Variants in EFCAB6 observed in about 807,000 individuals in gnomAD.
The protein encoded by EFCAB6 is EF-hand calcium binding domain 6.
In EFCAB6, 156 loss-of-function variants were observed where a neutral mutation model predicts 169.8. The observed-to-expected ratio is 0.92, with a 90% confidence interval of 0.81 to 1.05. The LOEUF (loss-of-function observed/expected upper bound fraction) is 1.05, where lower values mean the gene tolerates loss of function less well. EFCAB6 is among the 50% of genes least tolerant of loss of function. EFCAB6 has a pLI of 0.00. For missense variants in EFCAB6, 1,800 were observed against 1,829.1 expected (o/e 0.98, Z 0.29); for synonymous variants, 698 against 676.4 (o/e 1.03, Z -0.50).
intron 3 of EFCAB6, among the ~76,000 whole-genome samples, chr22:43,776,030 A>G (rs1051652576): frequency 1.3e-5 from 2 of 152,260 alleles, no homozygotes; most frequent in South Asian, 2.1e-4. Flanking sequence ...TCGAGCCACA[A>G]TGTTTAGGGC....
intron 26 of EFCAB6, among the ~76,000 whole-genome samples, chr22:43,566,416 A>G (rs1448415639): frequency 1.3e-5 from 2 of 152,216 alleles, no homozygotes; most frequent in African/African-American, 2.4e-5. Context: ...GAATTCAACC[A>G]GTGCTTACTG....
chr22:43,556,485 T>C (rs1480458799), intron 26 of EFCAB6, among the ~76,000 whole-genome samples: 2 of 152,116 alleles, frequency 1.3e-5, no homozygotes, highest in Non-Finnish European at 2.9e-5. Flanking sequence ...AAGCCCACCA[T>C]GGCTGTGAGC....
intron 20 of EFCAB6, among the ~76,000 whole-genome samples, chr22:43,623,739 CAAAAAAAAAAAAAA>C (rs137720): frequency 2.1e-5 from 2 of 95,268 alleles, no homozygotes; most frequent in Non-Finnish European, 4.1e-5. Flanking sequence ...ACTAAAAATA[CAAAAAAAAAAAAAA>C]AAAAAATTAG....
chr22:43,709,987 A>T (rs1446463010), intron 10 of EFCAB6, among the ~76,000 whole-genome samples: 1 of 152,144 alleles, frequency 6.6e-6, no homozygotes, highest in Non-Finnish European at 1.5e-5. Context: ...CACATTTTCC[A>T]TCCCCTTCTC....
At chr22:43,589,280 C>CAAAAAAAAAAAAAAAAA (rs1163346832) in intron 24 of EFCAB6, among the ~76,000 whole-genome samples, 2 of 80,934 alleles carry the variant, frequency 2.5e-5, no homozygotes, top group South Asian at 3.9e-4. Flanking sequence ...GACTTCATGT[C>CAAAAAAAAAAAAAAAAA]AAAAAAAAAA....
At chr22:43,575,916 A>T (rs1245107036) in intron 26 of EFCAB6, among the ~76,000 whole-genome samples, 1 of 152,164 alleles carries the variant, frequency 6.6e-6, no homozygotes, top group Admixed American at 6.5e-5. Flanking sequence ...TACATAGAAG[A>T]CATGCTATAG....
chr22:43,716,829 G>T lies in EFCAB6; in HGVS notation c.882+19C>A. On this transcript the variant is annotated intron_variant, in intron 9 of 31. Transcript: ENST00000262726. ...TGTGTTTACTCTGTAGGTAATTGTG[G>T]CTTAGGAAAACATCTTACTTGTAGA... 6.3e-7 allele frequency: 1 copy of T among 1,594,250 alleles called. No individual in the cohort carries two copies. Among genetic ancestry groups the T allele is most frequent in the African/African-American group, 1.3e-5 (1 of 74,258 alleles).
At chr22:43,595,166 TA>T (rs201300475) in intron 23 of EFCAB6, among the ~76,000 whole-genome samples, 66 of 145,252 alleles carry the variant, frequency 4.5e-4, no homozygotes, top group South Asian at 6.6e-4. Context: ...ATGCCTACAT[TA>T]AAAAAAAAAG....
At chr22:43,659,866 G>T (rs952551985) in intron 17 of EFCAB6, among the ~76,000 whole-genome samples, 1 of 152,120 alleles carries the variant, frequency 6.6e-6, no homozygotes, top group Admixed American at 6.5e-5. Context: ...AGCACATCTC[G>T]GGCTAAGCCA....
Position 43,537,110 on chromosome 22 carries a change from A to G in EFCAB6, c.4048+267T>C, listed in dbSNP as rs2047428203. On this transcript the variant is annotated intron_variant, in intron 29 of 31. Coordinates refer to ENST00000262726, the MANE Select transcript of EFCAB6 (RefSeq NM_022785.4). The surrounding 1 kb of genome is among the most constrained non-coding windows in gnomAD (Gnocchi z 4.3). The stretch of plus-strand genomic sequence containing the variant: ...CATTCACACTCTGCCCAGGGTGGCA[A>G]CCACTGTGATTTCTAAAGCTCAGAG... The G allele has an allele frequency of 2.9e-6, 1 of 343,086 alleles. No individual in the cohort carries two copies. The highest frequency in any genetic ancestry group is 5.3e-6 in the Non-Finnish European group (1 of 187,748). The allele number at this position is 343,086 out of a possible 1,614,324, so 21.3% of individuals were successfully genotyped here. A position where few individuals can be genotyped will look rare whatever the true frequency, so the allele number is the denominator to read the frequency against.
rs61208272 is a variant in EFCAB6 at position 43,795,586 on chromosome 22, CT to C, written c.-7-13262del. On this transcript the variant is annotated intron_variant, in intron 2 of 31. Transcript: ENST00000262726. This position sits in a 1 kb window ranked among gnomAD's most constrained non-coding sequence, Gnocchi z 4.2. ...GCTTCTCTGACCACCCTGCATCTTC[CT>C]TGCAGAGTCTCTCACACAGCCTGCA... is the stretch of plus-strand genomic sequence containing the variant. Among the ~76,000 whole-genome samples the C allele has an allele frequency of 0.3, 45,433 of 151,826 alleles. 7,400 individuals carry two copies. The highest frequency in any genetic ancestry group is 0.61 in the East Asian group (3,144 of 5,142).
intron 14 of EFCAB6, 50 bp downstream of exon 14, chr22:43,672,196 C>T (rs1431211844): frequency 6.2e-7 from 1 of 1,613,772 alleles, no homozygotes; most frequent in Non-Finnish European, 8.5e-7. Context: ...TAACAGTAAC[C>T]TCAAACCATA....
chr22:43,608,412 G>T, intron 22 of EFCAB6, 70 bp downstream of exon 22: 1 of 1,364,440 alleles, frequency 7.3e-7, no homozygotes, highest in Non-Finnish European at 1.0e-6. Flanking sequence ...GAAAGATTAG[G>T]CTGAATTTGC....
intron 8 of EFCAB6, among the ~76,000 whole-genome samples, chr22:43,720,608 C>A (rs1386062720): frequency 1.3e-5 from 2 of 150,296 alleles, no homozygotes; most frequent in African/African-American, 4.9e-5. Context: ...AAAGTTATAT[C>A]ATGGAAGGAA....
chr22:43,558,874 G>C (rs954799982), intron 26 of EFCAB6, among the ~76,000 whole-genome samples: 1 of 152,086 alleles, frequency 6.6e-6, no homozygotes, highest in African/African-American at 2.4e-5. Flanking sequence ...ATTTTATTGC[G>C]ATATTTGCTT....
intron 9 of EFCAB6, among the ~76,000 whole-genome samples, chr22:43,715,701 ATAG>A (rs1383339840): frequency 1.3e-5 from 2 of 152,292 alleles, no homozygotes; most frequent in East Asian, 3.9e-4. Context: ...TGGATTGTGA[ATAG>A]TTTATTACTT....
In EFCAB6 at chr22:43,731,686, T is replaced by A. The variant is rs755663906; in HGVS notation, c.757+13A>T. On this transcript the variant is annotated intron_variant, in intron 8 of 31. Coordinates refer to ENST00000262726, the MANE Select transcript of EFCAB6 (RefSeq NM_022785.4). The stretch of plus-strand genomic sequence containing the variant: ...TATTGAAATCTTTAGCTATATACTT[T>A]AAAAATACTTACCTTGATTTCCCAT... 1 of 1,528,056 alleles carries A rather than the reference T, an allele frequency of 6.5e-7. No individual in the cohort carries two copies. The highest frequency in any genetic ancestry group is 8.9e-7 in the Non-Finnish European group (1 of 1,125,186). 94.7% of individuals were successfully genotyped at this position (1,528,056 alleles called of 1,614,324 possible).
rs193216716 is a variant in EFCAB6, at chr22:43,623,514, A to T, written c.2465+2933T>A. ...AAGTTATGAACTCTCAACATTTTCCAAAGTATTGTGTTTTTATGATACAGG... is the reference window on the plus strand; with the variant it reads ...AAGTTATGAACTCTCAACATTTTCCTAAGTATTGTGTTTTTATGATACAGG... On this transcript the variant is annotated intron_variant, in intron 20 of 31. Transcript: ENST00000262726. Among the ~76,000 whole-genome samples the T allele has an allele frequency of 3.1e-3, 471 of 152,272 alleles. 2 individuals carry two copies. The highest frequency in any genetic ancestry group is 4.9e-3 in the Non-Finnish European group (334 of 68,020).
chr22:43,807,488 A>C (rs1252856215), intron 2 of EFCAB6, among the ~76,000 whole-genome samples: 1 of 152,228 alleles, frequency 6.6e-6, no homozygotes, highest in African/African-American at 2.4e-5. Flanking sequence ...TCACTGATAT[A>C]TTTGTTTATT....
Sources: gnomAD v4.1 joint callset for allele counts (sites outside exome capture counted in the v4.1 genomes callset) on GRCh38, gnomAD v4.1.1 for gene constraint, Gnocchi (gnomAD v3.1) non-coding constraint, MANE v1.5 for transcripts, NCBI Gene and HGNC (gene_info 2026-07-23, HGNC 2026-07-21) for gene names.